The following DHX8 variants were observed in gnomAD, a reference collection of about 807,000 sequenced individuals.
DHX8 encodes ATP-dependent RNA helicase DHX8.
A neutral mutation model predicts 140.7 loss-of-function variants in DHX8; 67 were observed. That is an observed-to-expected ratio of 0.48 (90% CI 0.39 to 0.58). The LOEUF is 0.58. DHX8 is among the 20% of genes least tolerant of loss of function. The pLI, the probability that DHX8 is intolerant of heterozygous loss-of-function variation, is 0.00. For synonymous variants in DHX8, 533 were observed against 553.2 expected (o/e 0.96, Z 0.51); for missense variants, 887 against 1,550.7 (o/e 0.57, Z 7.19).
chr17:43,513,394 G>A lies in DHX8; in HGVS notation c.2535G>A (p.Ser845=), dbSNP rs150512730. 49 of 1,613,152 alleles carry A rather than the reference G, an allele frequency of 3.0e-5. No homozygotes were observed. The Middle Eastern group carries it at 4.9e-4, about 16-fold the overall frequency. The change falls in exon 17 of 23, where the codon TCG becomes TCA. Residue 845 remains serine, a synonymous_variant. Coordinates refer to ENST00000262415, the MANE Select transcript of DHX8 (RefSeq NM_004941.3). The part of the protein sequence containing the change: ...VVIATNIAET[S]LTIDGIYYVV... The stretch of plus-strand genomic sequence containing the variant: ...TTGCCACCAATATCGCAGAGACATC[G>A]CTGACTATTGATGGTATCTACTATG...
intron 3 of DHX8, among the ~76,000 whole-genome samples, chr17:43,542,020 G>C (rs1971548955): frequency 6.6e-6 from 1 of 152,164 alleles, no homozygotes; most frequent in South Asian, 2.1e-4. Context: ...AGACAGCACA[G>C]GGTGAAATGT....
chr17:43,484,227 G>T (rs1243899063), intron 1 of DHX8, 42 bp downstream of exon 1: 8 of 1,520,780 alleles, frequency 5.3e-6, no homozygotes, highest in Non-Finnish European at 7.0e-6. Context: ...TTGGGATTGA[G>T]GGAAGCGGAA....
At chr17:43,526,267 A>T (rs1325006732), downstream of DHX8, 1 of 1,324,950 alleles carries the variant, frequency 7.5e-7, no homozygotes, top group African/African-American at 1.5e-5. Flanking sequence ...GGTCTCATGC[A>T]GAGAGCTGGG....
At chr17:43,521,027 G>A (rs1970352435) in intron 20 of DHX8, 148 bp downstream of exon 20, 3 of 832,028 alleles carry the variant, frequency 3.6e-6, no homozygotes, top group Non-Finnish European at 5.2e-6. Flanking sequence ...CTGGAGTGCA[G>A]TGGAATGATC....
At chr17:43,536,058 C>T (rs755623900) in intron 2 of DHX8, among the ~76,000 whole-genome samples, 3 of 152,206 alleles carry the variant, frequency 2.0e-5, no homozygotes, top group Non-Finnish European at 4.4e-5. Context: ...TTGCAGTGAG[C>T]CGAGATTGTG....
intron 2 of DHX8, chr17:43,536,331 A>C: frequency 1.8e-6 from 2 of 1,119,276 alleles, no homozygotes; most frequent in Non-Finnish European, 2.7e-6. Flanking sequence ...GTGTTTTAGG[A>C]GAGAACAAGC....
At chr17:43,531,300 C>G (rs1970923681), downstream of DHX8, among the ~76,000 whole-genome samples, 1 of 152,190 alleles carries the variant, frequency 6.6e-6, no homozygotes, top group Non-Finnish European at 1.5e-5. Context: ...TTTTCTGGAC[C>G]CTTCCTGGGA....
chr17:43,527,643 T>C (rs1970656535), downstream of DHX8, among the ~76,000 whole-genome samples: 1 of 152,222 alleles, frequency 6.6e-6, no homozygotes, highest in Non-Finnish European at 1.5e-5. Flanking sequence ...CACACAGTAA[T>C]GCTGGGAAGG....
downstream of DHX8, chr17:43,526,135 G>C (rs543097976): frequency 1.2e-5 from 12 of 983,980 alleles, no homozygotes; most frequent in South Asian, 9.4e-5. Context: ...GAGGGAGAAG[G>C]GGGGGGTCCT....
chr17:43,515,049 T>C (rs1478093486), intron 17 of DHX8, among the ~76,000 whole-genome samples: 1 of 152,212 alleles, frequency 6.6e-6, no homozygotes, highest in Non-Finnish European at 1.5e-5. Context: ...GTGGTGCTAC[T>C]AGATGATGTG....
intron 11 of DHX8, among the ~76,000 whole-genome samples, chr17:43,501,726 C>T (rs1435644129): frequency 1.2e-4 from 10 of 81,100 alleles, no homozygotes; most frequent in Admixed American, 7.9e-4. Context: ...CTCAGGTGAT[C>T]CCCCCCCCAT....
chr17:43,511,194 G>C (rs1321589462), intron 16 of DHX8, among the ~76,000 whole-genome samples: 3 of 152,066 alleles, frequency 2.0e-5, no homozygotes, highest in African/African-American at 7.2e-5. Context: ...GCCAGGCGTG[G>C]TGGCGGGTGC....
At chr17:43,487,320 C>T (rs1394098612) in intron 1 of DHX8, among the ~76,000 whole-genome samples, 2 of 152,156 alleles carry the variant, frequency 1.3e-5, no homozygotes, top group Non-Finnish European at 2.9e-5. Flanking sequence ...AGGCACATTC[C>T]AGGATGGAAA....
At chr17:43,521,655 A>G in intron 21 of DHX8, 90 bp downstream of exon 21, 1 of 1,288,032 alleles carries the variant, frequency 7.8e-7, no homozygotes, top group Non-Finnish European at 1.1e-6. Flanking sequence ...ATAAAGCTAT[A>G]GGCACCTTTT....
At chr17:43,486,491 T>C (rs537833900) in intron 1 of DHX8, among the ~76,000 whole-genome samples, 14 of 152,312 alleles carry the variant, frequency 9.2e-5, no homozygotes, top group African/African-American at 3.1e-4. Flanking sequence ...ATTTTTACTG[T>C]TTTCACCAAT....
chr17:43,514,687 A>G (rs1271042946), intron 17 of DHX8, among the ~76,000 whole-genome samples: 1 of 152,228 alleles, frequency 6.6e-6, no homozygotes, highest in Non-Finnish European at 1.5e-5. Flanking sequence ...ATGATTAAAT[A>G]CATGTCCAAA....
chr17:43,526,714 T>A, downstream of DHX8: 8 of 1,443,270 alleles, frequency 5.5e-6, no homozygotes, highest in Non-Finnish European at 7.3e-6. Context: ...GCCTTCAGGG[T>A]TTCCACCGAT....
intron 3 of DHX8, among the ~76,000 whole-genome samples, chr17:43,537,784 G>A (rs1971321585): frequency 6.6e-6 from 1 of 152,078 alleles, no homozygotes; most frequent in South Asian, 2.1e-4. Flanking sequence ...CACGAGGTCA[G>A]GAGTTTGAGA....
At chr17:43,530,620 G>GCA (rs1473927580), downstream of DHX8, among the ~76,000 whole-genome samples, 16 of 151,730 alleles carry the variant, frequency 1.1e-4, no homozygotes, top group Admixed American at 1.0e-3. Context: ...GTGTGTGTGT[G>GCA]TGTGTGTGTG....
Sources: gnomAD v4.1 joint callset for allele counts (sites outside exome capture counted in the v4.1 genomes callset) on GRCh38, gnomAD v4.1.1 for gene constraint, MANE v1.5 for transcripts, NCBI Gene and HGNC (gene_info 2026-07-23, HGNC 2026-07-21) for gene names.